Variants in CRISPLD2 observed in about 807,000 individuals in gnomAD.
CRISPLD2 encodes cysteine rich secretory protein LCCL domain containing 2, also known as cysteine-rich secretory protein LCCL domain-containing 2.
A neutral mutation model predicts 71.1 loss-of-function variants in CRISPLD2; 47 were observed. The ratio of observed to expected loss-of-function variants is 0.66; its 90% CI spans 0.52 to 0.84. CRISPLD2 has a LOEUF of 0.84. Ranked by LOEUF, CRISPLD2 falls within the 40% of genes least tolerant of loss-of-function variation. CRISPLD2 has a pLI of 0.00. For missense variants in CRISPLD2, 830 were observed against 651.1 expected, an observed-to-expected ratio of 1.27 and a Z score of -2.99; for synonymous variants, 317 against 250.1, an observed-to-expected ratio of 1.27 and a Z score of -2.52.
intron 14 of CRISPLD2, among the ~76,000 whole-genome samples, chr16:84,890,508 C>T (rs539799220): frequency 1.8e-4 from 27 of 152,294 alleles, no homozygotes; most frequent in East Asian, 1.5e-3. Flanking sequence ...CGTTTCTCTT[C>T]GTAGCTGGTG....
At chr16:84,849,248 G>T (rs928232253) in intron 3 of CRISPLD2, 137 bp from the exon 4 acceptor site, 2 of 833,380 alleles carry the variant, frequency 2.4e-6, no homozygotes, top group South Asian at 1.9e-5. Context: ...CCTCCCGGCT[G>T]CCCGTGGCTG....
rs113680565 is a variant in CRISPLD2, at chr16:84,851,389, T to C, written c.608+706T>C. ...CTTGGAGAGTCACTCCCCCAGTTCA[T>C]GGCCTGAGGTTTGCATGCTGGCCGC... On this transcript the variant is annotated intron_variant, in intron 5 of 14. Transcript: ENST00000262424. 3.3e-3 allele frequency among the ~76,000 whole-genome samples: 504 copies of C among 152,344 alleles called. 1 individual carries two copies. Among genetic ancestry groups the C allele is most frequent in the African/African-American group, 0.012 (480 of 41,578 alleles).
intron 3 of CRISPLD2, among the ~76,000 whole-genome samples, chr16:84,848,302 T>C (rs549759801): frequency 2.6e-5 from 4 of 152,192 alleles, no homozygotes; most frequent in African/African-American, 7.2e-5. Context: ...CAGACAGTAA[T>C]TGTTACAAGA....
At chr16:84,894,973 C>T (rs1202608383) in intron 14 of CRISPLD2, among the ~76,000 whole-genome samples, 2 of 152,030 alleles carry the variant, frequency 1.3e-5, no homozygotes, top group South Asian at 2.1e-4. Flanking sequence ...TCTAAGGAGC[C>T]CTGCACTCTC....
chr16:84,840,657 C>A (rs925344801), intron 2 of CRISPLD2, among the ~76,000 whole-genome samples: 1 of 152,094 alleles, frequency 6.6e-6, no homozygotes. Flanking sequence ...CAGGCTTGCA[C>A]CACCACGCCA....
In CRISPLD2 at chr16:84,873,039, C is replaced by A. The variant is rs34582606; in HGVS notation, c.1029C>A (p.Asp343Glu). ...RAAIHYGILD[D>E]KGGLVDITRN... ...CCATCCACTACGGGATCCTGGATGA[C>A]AAGGGAGGCCTGGTGGATATCACCA... The change falls in exon 10 of 15, where the codon GAC becomes GAA. Residue 343 changes from aspartate (D) to glutamate (E), a missense_variant. Asp to Glu is a conservative substitution (Grantham distance 45). Transcript: ENST00000262424. 1.4e-5 allele frequency: 23 copies of A among 1,613,750 alleles called. No homozygotes were observed. Among genetic ancestry groups the A allele is most frequent in the Non-Finnish European group, 1.9e-5 (22 of 1,179,910 alleles).
At chr16:84,877,130 T>A (rs147553216) in intron 11 of CRISPLD2, among the ~76,000 whole-genome samples, 22 of 152,256 alleles carry the variant, frequency 1.4e-4, no homozygotes, top group African/African-American at 4.3e-4. Context: ...GCAAAGGTGA[T>A]CAAGTCAGGA....
intron 5 of CRISPLD2, among the ~76,000 whole-genome samples, chr16:84,852,042 G>T (rs1416844560): frequency 1.3e-5 from 2 of 152,132 alleles, no homozygotes; most frequent in African/African-American, 4.8e-5. Flanking sequence ...TCAAGGTGTG[G>T]CAGATCAAGG....
At chr16:84,894,113 G>C (rs1270072890) in intron 14 of CRISPLD2, among the ~76,000 whole-genome samples, 1 of 152,146 alleles carries the variant, frequency 6.6e-6, no homozygotes, top group Non-Finnish European at 1.5e-5. Context: ...CTCTAGAAGA[G>C]GACTTCCTGG....
intron 8 of CRISPLD2, among the ~76,000 whole-genome samples, chr16:84,872,066 T>TATCTACA (rs1455221698): frequency 6.6e-6 from 1 of 152,166 alleles, no homozygotes; most frequent in East Asian, 1.9e-4. Flanking sequence ...GTGTAACAAC[T>TATCTACA]ATCTACATAG....
chr16:84,898,363 G>C (rs1302083196), intron 14 of CRISPLD2, among the ~76,000 whole-genome samples: 1 of 152,048 alleles, frequency 6.6e-6, no homozygotes, highest in Non-Finnish European at 1.5e-5. Flanking sequence ...TTCGGCCCCT[G>C]CCCGCTCCCC....
At position 84,845,875 on chromosome 16, in the gene CRISPLD2, C is replaced by T. The variant is rs567461246; in HGVS notation, c.330C>T (p.Ile110=). The T allele has an allele frequency of 7.4e-6, 12 of 1,613,706 alleles. No homozygotes were observed. The highest frequency in any genetic ancestry group is 2.7e-5 in the African/African-American group (2 of 75,046). ...GGCCCACCAGTCTGCTGGTGTCCAT[C>T]GGGCAGAACCTGGGCGCTCACTGGG... is the stretch of plus-strand genomic sequence containing the variant. ...EHGPTSLLVS[I]GQNLGAHWGR... is the part of the protein sequence containing the mutation. Residue 110 remains isoleucine (I), a synonymous_variant, in exon 3 of 15, where the codon ATC becomes ATT. Coordinates refer to ENST00000262424, the MANE Select transcript of CRISPLD2 (RefSeq NM_031476.4).
At position 84,868,792 on chromosome 16, in the gene CRISPLD2, G is replaced by A. The variant is rs1917611871; in HGVS notation, c.854-59G>A. ...CCAGAATGTCCCTCAGCATGGGGAA[G>A]GGTCTTCTCACCCTCCTGGTTTCGT... On this transcript the variant is annotated intron_variant, in intron 7 of 14. Coordinates refer to ENST00000262424, the MANE Select transcript of CRISPLD2 (RefSeq NM_031476.4). 4 of 1,344,782 alleles carry A rather than the reference G, an allele frequency of 3.0e-6. No individual in the cohort carries two copies. The Admixed American group carries it at 5.1e-5, about 17-fold the overall frequency. 83.3% of individuals were successfully genotyped at this position (1,344,782 alleles called of 1,614,324 possible). A position where few individuals can be genotyped will look rare whatever the true frequency, so the allele number is the denominator to read the frequency against.
chr16:84,900,296 T>C (rs752469378), intron 14 of CRISPLD2, among the ~76,000 whole-genome samples: 4 of 152,086 alleles, frequency 2.6e-5, no homozygotes, highest in Non-Finnish European at 4.4e-5. Flanking sequence ...TCTCGGAGGA[T>C]TGCAGATCTT....
Position 84,880,505 on chromosome 16 carries a change from T to A in CRISPLD2, c.1230-4T>A. ...CCATCACATAAATGCTTCCTGTTTT[T>A]CAGAATCCATTGTCCGGCACACTGC... On this transcript the variant is annotated splice_region_variant and splice_polypyrimidine_tract_variant and intron_variant, in intron 12 of 14. Coordinates refer to ENST00000262424, the MANE Select transcript of CRISPLD2 (RefSeq NM_031476.4). The A allele has an allele frequency of 6.2e-7, 1 of 1,610,428 alleles. No individual in the cohort carries two copies. Among genetic ancestry groups the A allele is most frequent in the Non-Finnish European group, 8.5e-7 (1 of 1,177,636 alleles).
At chr16:84,835,429 C>G (rs1166791212) in intron 1 of CRISPLD2, among the ~76,000 whole-genome samples, 1 of 152,128 alleles carries the variant, frequency 6.6e-6, no homozygotes, top group Non-Finnish European at 1.5e-5. Context: ...CTCCTGCGGC[C>G]CAAATGTAGT....
At chr16:84,860,947 A>G (rs1317318113) in intron 6 of CRISPLD2, among the ~76,000 whole-genome samples, 1 of 152,094 alleles carries the variant, frequency 6.6e-6, no homozygotes, top group Non-Finnish European at 1.5e-5. Context: ...TGAGTTCATC[A>G]TTTTCTTTCA....
At chr16:84,834,223 G>A (rs898753376) in intron 1 of CRISPLD2, among the ~76,000 whole-genome samples, 3 of 152,202 alleles carry the variant, frequency 2.0e-5, no homozygotes, top group Non-Finnish European at 2.9e-5. Flanking sequence ...ACCACGACGG[G>A]CGCAGGGCAG....
At chr16:84,853,994 A>G (rs141144715) in intron 5 of CRISPLD2, among the ~76,000 whole-genome samples, 366 of 152,322 alleles carry the variant, frequency 2.4e-3, no homozygotes, top group Non-Finnish European at 4.0e-3. Context: ...GAGAAAGCCT[A>G]TGGTGCGGCC....
Sources: allele counts gnomAD v4.1 joint callset (sites outside exome capture counted in the v4.1 genomes callset), GRCh38; gene constraint gnomAD v4.1.1; transcripts MANE v1.5; gene names NCBI Gene and HGNC (gene_info 2026-07-23, HGNC 2026-07-21).